Variants in CSNK1G3 observed in about 807,000 individuals in gnomAD.
The protein encoded by CSNK1G3 is casein kinase I isoform gamma-3.
CSNK1G3 carries 23 observed loss-of-function variants against 64.3 expected under a neutral mutation model. The ratio of observed to expected loss-of-function variants is 0.36; its 90% confidence interval spans 0.26 to 0.51. The LOEUF is 0.51. Ranked by LOEUF, CSNK1G3 falls within the 20% of genes least tolerant of loss-of-function variation. The pLI is 0.96. For missense variants in CSNK1G3, 357 were observed against 510.5 expected (o/e 0.70, Z 2.90); for synonymous variants, 158 against 162.2 (o/e 0.97, Z 0.20).
At chr5:123,613,142 T>A (rs1748745894) in intron 12 of CSNK1G3, among the ~76,000 whole-genome samples, 1 of 152,192 alleles carries the variant, frequency 6.6e-6, no homozygotes, top group Non-Finnish European at 1.5e-5. Context: ...TGCCTTTATT[T>A]GAAGGATTGT....
intron 3 of CSNK1G3, among the ~76,000 whole-genome samples, chr5:123,555,515 G>A (rs967941100): frequency 6.6e-6 from 1 of 152,120 alleles, no homozygotes; most frequent in Non-Finnish European, 1.5e-5. Context: ...GATAACCTGA[G>A]TTCAGAGAGC....
intron 4 of CSNK1G3, among the ~76,000 whole-genome samples, chr5:123,564,665 T>C (rs907770484): frequency 5.3e-5 from 8 of 152,186 alleles, no homozygotes; most frequent in African/African-American, 1.9e-4. Flanking sequence ...ATTTTTTTAA[T>C]GTTGTTTGAA....
At chr5:123,614,380 T>C in exon 13 of CSNK1G3, 2 of 1,613,278 alleles carry the variant, frequency 1.2e-6, no homozygotes, top group Non-Finnish European at 1.7e-6. Flanking sequence ...AGGAAAACCA[T>C]ACAGCGCCAC....
chr5:123,536,304 T>C (rs955702592), intron 1 of CSNK1G3, among the ~76,000 whole-genome samples: 5 of 151,976 alleles, frequency 3.3e-5, no homozygotes, highest in African/African-American at 1.2e-4. Context: ...TCTTATTACA[T>C]GTAGCATACT....
chr5:123,589,159 A>G (rs1052540767), intron 8 of CSNK1G3, among the ~76,000 whole-genome samples: 2 of 152,186 alleles, frequency 1.3e-5, no homozygotes, highest in African/African-American at 4.8e-5. Flanking sequence ...CTAAATTTGA[A>G]GATAAAATAC....
chr5:123,591,445 C>A, intron 10 of CSNK1G3, 31 bp downstream of exon 10: 1 of 1,413,716 alleles, frequency 7.1e-7, no homozygotes, highest in Non-Finnish European at 9.9e-7. Flanking sequence ...GAAATACCTT[C>A]CTTTCATGAT....
intron 6 of CSNK1G3, among the ~76,000 whole-genome samples, chr5:123,585,652 AAC>A (rs1171535754): frequency 3.9e-5 from 6 of 152,242 alleles, no homozygotes; most frequent in African/African-American, 1.4e-4. Context: ...TAAACAGGCA[AAC>A]ACATGAAATA....
intron 10 of CSNK1G3, 51 bp from the exon 11 acceptor site, chr5:123,594,988 T>C: frequency 6.8e-7 from 1 of 1,472,652 alleles, no homozygotes; most frequent in Non-Finnish European, 9.5e-7. Context: ...ATGTTTAACA[T>C]ATTGGGTTTT....
At chr5:123,611,625 C>T (rs758714476) in intron 12 of CSNK1G3, among the ~76,000 whole-genome samples, 6 of 152,138 alleles carry the variant, frequency 3.9e-5, no homozygotes, top group Non-Finnish European at 7.4e-5. Flanking sequence ...TTGTCTTGTT[C>T]ATCAAAATGT....
intron 5 of CSNK1G3, among the ~76,000 whole-genome samples, chr5:123,574,582 A>G (rs1788778884): frequency 6.6e-6 from 1 of 151,880 alleles, no homozygotes; most frequent in Non-Finnish European, 1.5e-5. Flanking sequence ...CACTTTGGGG[A>G]GTCTGAGGCT....
chr5:123,583,218 A>C (rs188299735), intron 6 of CSNK1G3, among the ~76,000 whole-genome samples: 2 of 152,200 alleles, frequency 1.3e-5, no homozygotes, highest in African/African-American at 4.8e-5. Flanking sequence ...TAAGTTTTTT[A>C]AACTATATGC....
chr5:123,533,641 C>T (rs1049778326), intron 1 of CSNK1G3, among the ~76,000 whole-genome samples: 9 of 150,514 alleles, frequency 6.0e-5, no homozygotes, highest in African/African-American at 2.2e-4. Flanking sequence ...AGGATTATTC[C>T]CCCACTTTGT....
chr5:123,551,298 A>G (rs1030188196), intron 2 of CSNK1G3, among the ~76,000 whole-genome samples: 1 of 152,208 alleles, frequency 6.6e-6, no homozygotes, highest in African/African-American at 2.4e-5. Flanking sequence ...TTTCATTCAT[A>G]ATGCATTTTT....
At chr5:123,562,664 AAATT>A (rs1387363661) in intron 4 of CSNK1G3, among the ~76,000 whole-genome samples, 16 of 152,178 alleles carry the variant, frequency 1.1e-4, no homozygotes, top group African/African-American at 2.9e-4. Context: ...TAAATTCTAA[AAATT>A]AATTTCATTT....
chr5:123,612,387 T>G (rs990139414), intron 12 of CSNK1G3, among the ~76,000 whole-genome samples: 1 of 152,198 alleles, frequency 6.6e-6, no homozygotes. Flanking sequence ...AGTGTAGATT[T>G]CTGTTTACAT....
chr5:123,545,221 T>C (rs1782325202), intron 1 of CSNK1G3, among the ~76,000 whole-genome samples, 196 bp from the exon 2 acceptor site: 2 of 152,144 alleles, frequency 1.3e-5, no homozygotes, highest in African/African-American at 4.8e-5. Context: ...ATCCCTGATA[T>C]CTTTGTTTCG....
intron 1 of CSNK1G3, among the ~76,000 whole-genome samples, chr5:123,515,621 T>C (rs1777007359): frequency 6.6e-6 from 1 of 152,180 alleles, no homozygotes. Context: ...AACCCCACAC[T>C]TAATCATTAT....
intron 12 of CSNK1G3, among the ~76,000 whole-genome samples, chr5:123,613,932 G>T (rs1321198402): frequency 1.3e-5 from 2 of 152,072 alleles, no homozygotes; most frequent in Non-Finnish European, 1.5e-5. Context: ...ATATTGGAGT[G>T]TCTTTTTATT....
intron 1 of CSNK1G3, among the ~76,000 whole-genome samples, chr5:123,542,848 T>TTG (rs1561485591): frequency 4.4e-5 from 4 of 91,906 alleles, no homozygotes; most frequent in Non-Finnish European, 6.4e-5. Context: ...TGCCTAGATT[T>TTG]AGTGTGTGTG....
Sources: gnomAD v4.1 joint callset for allele counts (sites outside exome capture counted in the v4.1 genomes callset) on GRCh38, gnomAD v4.1.1 for gene constraint, MANE v1.5 for transcripts, NCBI Gene and HGNC (gene_info 2026-07-23, HGNC 2026-07-21) for gene names.